RAB27B: variants seen among roughly 807,000 people sequenced by gnomAD.
The protein encoded by RAB27B is RAB27B, member RAS oncogene family.
Under a neutral mutation model 24.6 loss-of-function variants are expected in RAB27B, and 15 were observed. The observed-to-expected ratio is 0.61, with a 90% CI of 0.41 to 0.94. RAB27B has a LOEUF of 0.94. RAB27B is among the 40% of genes least tolerant of loss of function. The pLI is 0.00. For missense variants in RAB27B, 261 were observed against 266.8 expected (o/e 0.98, Z 0.15); for synonymous variants, 105 against 92.5 (o/e 1.14, Z -0.78).
chr18:54,759,159 A>G (rs1170518780), intron 2 of RAB27B, among the ~76,000 whole-genome samples: 1 of 152,176 alleles, frequency 6.6e-6, no homozygotes. Flanking sequence ...ACTAACTGGT[A>G]CTGAGAAAGT....
At chr18:54,887,875 A>T in intron 4 of RAB27B, 120 bp from the exon 5 acceptor site, 1 of 1,212,126 alleles carries the variant, frequency 8.2e-7, no homozygotes, top group Non-Finnish European at 1.1e-6. Context: ...CTTGGCCAAT[A>T]TAACTAGTAA....
chr18:54,779,843 G>A (rs73960625), intron 2 of RAB27B, among the ~76,000 whole-genome samples: 9,841 of 152,062 alleles, frequency 0.065, 425 homozygotes, highest in African/African-American at 0.1. Flanking sequence ...ATGGCAGCAG[G>A]GTTAGTTTCT....
intron 2 of RAB27B, among the ~76,000 whole-genome samples, chr18:54,817,056 A>T (rs559309575): frequency 8.4e-4 from 128 of 152,294 alleles, no homozygotes; most frequent in Admixed American, 2.6e-3. Flanking sequence ...AACGTTTTAC[A>T]TCTCAATTTT....
chr18:54,879,578 A>G, intron 3 of RAB27B, 124 bp downstream of exon 3: 1 of 770,114 alleles, frequency 1.3e-6, no homozygotes, highest in South Asian at 1.6e-5. Context: ...CAAAATAGAC[A>G]TTTGTATCCA....
intron 2 of RAB27B, among the ~76,000 whole-genome samples, chr18:54,786,478 C>T (rs1417601634): frequency 2.0e-5 from 3 of 152,174 alleles, no homozygotes; most frequent in African/African-American, 4.8e-5. Context: ...AAATAGGACA[C>T]AGCTGTCTGA....
intron 2 of RAB27B, among the ~76,000 whole-genome samples, chr18:54,806,321 C>T (rs186588189): frequency 5.3e-5 from 8 of 151,366 alleles, no homozygotes; most frequent in Non-Finnish European, 7.4e-5. Context: ...TGTGGTATGA[C>T]ATGGAGCTCT....
At chr18:54,873,687 G>C (rs1912570214) in intron 1 of RAB27B, among the ~76,000 whole-genome samples, 1 of 38,078 alleles carries the variant, frequency 2.6e-5, no homozygotes, top group Non-Finnish European at 5.2e-5. Flanking sequence ...GCCAAATCCT[G>C]TGTGTGTGTG....
At chr18:54,768,067 T>C (rs1908421453) in intron 2 of RAB27B, among the ~76,000 whole-genome samples, 1 of 152,076 alleles carries the variant, frequency 6.6e-6, no homozygotes, top group Non-Finnish European at 1.5e-5. Context: ...TAGGGGCCAA[T>C]GCAGAGGAGA....
intron 1 of RAB27B, among the ~76,000 whole-genome samples, chr18:54,861,179 G>A (rs1247950388): frequency 5.9e-5 from 9 of 152,132 alleles, no homozygotes; most frequent in African/African-American, 1.4e-4. Context: ...ACTTTGGCAC[G>A]ACTTCCTCAA....
chr18:54,827,657 G>A (rs899853774), upstream of RAB27B, among the ~76,000 whole-genome samples: 9 of 152,146 alleles, frequency 5.9e-5, no homozygotes, highest in African/African-American at 1.4e-4. Flanking sequence ...TTGGCATCTC[G>A]TTGTTTACTA....
intron 2 of RAB27B, among the ~76,000 whole-genome samples, chr18:54,781,728 AG>A (rs1908924481): frequency 1.3e-5 from 2 of 152,196 alleles, no homozygotes; most frequent in Non-Finnish European, 2.9e-5. Flanking sequence ...AACACATGGT[AG>A]CTGACAAACT....
chr18:54,837,792 A>G (rs147765570), intron 1 of RAB27B, among the ~76,000 whole-genome samples: 93 of 152,264 alleles, frequency 6.1e-4, no homozygotes, highest in African/African-American at 2.0e-3. Flanking sequence ...ATATGTGTGT[A>G]TATATATGTA....
intron 2 of RAB27B, among the ~76,000 whole-genome samples, chr18:54,734,361 T>G (rs1297323668): frequency 6.6e-6 from 1 of 152,146 alleles, no homozygotes; most frequent in Non-Finnish European, 1.5e-5. Flanking sequence ...CTGTCTCTTC[T>G]ATGAGACTCT....
chr18:54,821,944 G>A (rs1343322521), intron 2 of RAB27B, among the ~76,000 whole-genome samples: 2 of 152,086 alleles, frequency 1.3e-5, no homozygotes, highest in Admixed American at 1.3e-4. Context: ...GTAGAGATGA[G>A]GTTTCACCAT....
chr18:54,764,883 A>G (rs576797095), intron 2 of RAB27B, among the ~76,000 whole-genome samples: 1 of 152,222 alleles, frequency 6.6e-6, no homozygotes, highest in Admixed American at 6.5e-5. Context: ...CTCCCACCAA[A>G]CATCACCAAT....
At chr18:54,816,283 T>A (rs1053653702) in intron 2 of RAB27B, among the ~76,000 whole-genome samples, 2 of 152,208 alleles carry the variant, frequency 1.3e-5, no homozygotes, top group Non-Finnish European at 2.9e-5. Flanking sequence ...CAAGAGTAGG[T>A]GAAATACGAT....
upstream of RAB27B, among the ~76,000 whole-genome samples, chr18:54,827,371 CTTCTT>C (rs758474914): frequency 4.6e-5 from 7 of 152,222 alleles, no homozygotes; most frequent in African/African-American, 7.2e-5. Context: ...TATTATTACT[CTTCTT>C]TTCAACTTTC....
intron 2 of RAB27B, among the ~76,000 whole-genome samples, chr18:54,791,737 C>T (rs1165142481): frequency 3.9e-5 from 6 of 152,178 alleles, no homozygotes; most frequent in South Asian, 2.1e-4. Flanking sequence ...GACTCACAGG[C>T]GGCCAGACGT....
intron 2 of RAB27B, among the ~76,000 whole-genome samples, chr18:54,764,767 T>A (rs998602947): frequency 2.6e-5 from 4 of 152,204 alleles, no homozygotes; most frequent in African/African-American, 7.2e-5. Context: ...TGATTCTTCT[T>A]TCAAAATGCA....
Sources: allele counts gnomAD v4.1 joint callset (sites outside exome capture counted in the v4.1 genomes callset), GRCh38; gene constraint gnomAD v4.1.1; transcripts MANE v1.5; gene names NCBI Gene and HGNC (gene_info 2026-07-23, HGNC 2026-07-21).